The following MARK3 variants were observed in gnomAD, a reference collection of about 807,000 sequenced individuals.
MARK3 encodes the protein MAP/microtubule affinity-regulating kinase 3.
MARK3 carries 46 observed loss-of-function variants against 90.1 expected under a neutral mutation model. The ratio of observed to expected loss-of-function variants is 0.51; its 90% CI spans 0.40 to 0.65. The LOEUF (loss-of-function observed/expected upper bound fraction) is 0.65, where lower values mean the gene tolerates loss of function less well. MARK3 is among the 30% of genes least tolerant of loss of function. The probability of loss-of-function intolerance (pLI) is 0.00; values close to 1 mark genes in which losing one functional copy is unlikely to be tolerated. For missense variants in MARK3, 818 were observed against 947.2 expected (o/e 0.86, Z 1.79); for synonymous variants, 321 against 332.6 (o/e 0.97, Z 0.38).
At chr14:103,460,117 G>C (rs10139279) in intron 6 of MARK3, among the ~76,000 whole-genome samples, 1 of 95,662 alleles carries the variant, frequency 1.0e-5, no homozygotes, top group Non-Finnish European at 2.0e-5. Context: ...GACAAATCTC[G>C]CTTTGTCGCC....
chr14:103,495,069 C>T (rs1256175533), intron 15 of MARK3, among the ~76,000 whole-genome samples: 3 of 152,018 alleles, frequency 2.0e-5, no homozygotes, highest in Non-Finnish European at 2.9e-5. Context: ...TATATTTATA[C>T]ACATGTACAA....
intron 13 of MARK3, among the ~76,000 whole-genome samples, chr14:103,478,340 T>G (rs1373694345): frequency 6.6e-6 from 1 of 151,392 alleles, no homozygotes; most frequent in East Asian, 1.9e-4. Flanking sequence ...AGTAATCACT[T>G]TCCATTCCTC....
intron 2 of MARK3, 30 bp downstream of exon 2, chr14:103,405,297 T>C (rs1286113149): frequency 7.7e-6 from 11 of 1,436,602 alleles, no homozygotes; most frequent in South Asian, 1.4e-5. Context: ...ATTTCTGTTA[T>C]GACAGTTGCT....
rs150686397 is a variant in MARK3 at position 103,449,107 on chromosome 14, T to C, written c.346+140T>C. ...CAAGTTGTTGATCATTTGTATTAGC[T>C]TTTTGAAATTGCTGAAGACAGGTTA... is the stretch of plus-strand genomic sequence containing the variant. On this transcript the variant is annotated intron_variant, in intron 4 of 17. Transcript: ENST00000429436. 3.9e-3 allele frequency: 3,967 copies of C among 1,007,580 alleles called. 21 individuals carry two copies. The highest frequency in any genetic ancestry group is 0.017 in the Middle Eastern group (74 of 4,306). 62.4% of individuals were successfully genotyped at this position (1,007,580 alleles called of 1,614,324 possible). A position where few individuals can be genotyped will look rare whatever the true frequency, so the allele number is the denominator to read the frequency against.
At chr14:103,448,781 C>A in intron 3 of MARK3, 138 bp from the exon 4 acceptor site, 1 of 818,370 alleles carries the variant, frequency 1.2e-6, no homozygotes, top group Admixed American at 3.4e-5. Flanking sequence ...TCATATTAGT[C>A]TTAGATATGG....
At position 103,423,200 on chromosome 14, in the gene MARK3, C is replaced by CTTTTT. The variant is rs10529756; in HGVS notation, c.244-5177_244-5173dup. 1.7e-3 allele frequency among the ~76,000 whole-genome samples: 162 copies of CTTTTT among 94,698 alleles called. 18 individuals carry two copies. Among genetic ancestry groups the CTTTTT allele is most frequent in the East Asian group, 5.5e-3 (17 of 3,118 alleles). The allele number at this position is 94,698 out of a possible 152,430, so 62.1% of individuals were successfully genotyped here. A position where few individuals can be genotyped will look rare whatever the true frequency, so the allele number is the denominator to read the frequency against. On this transcript the variant is annotated intron_variant, in intron 2 of 17. Transcript: ENST00000429436. ...TCTATCCCCCTAGAGGACTTGCAGT[C>CTTTTT]TTTTTTTTTTTTTTGCCTCCTCTTT...
At chr14:103,400,176 G>A (rs2090865854) in intron 1 of MARK3, among the ~76,000 whole-genome samples, 1 of 152,090 alleles carries the variant, frequency 6.6e-6, no homozygotes, top group African/African-American at 2.4e-5. Flanking sequence ...TGATCTGCTA[G>A]CCTTGGCCTC....
chr14:103,465,847 T>C, intron 8 of MARK3, 54 bp downstream of exon 8: 2 of 1,555,642 alleles, frequency 1.3e-6, no homozygotes, highest in African/African-American at 1.4e-5. Context: ...TTTCCTAATA[T>C]TACATGGCTT....
At chr14:103,445,790 G>C (rs1416912746) in intron 3 of MARK3, among the ~76,000 whole-genome samples, 1 of 152,132 alleles carries the variant, frequency 6.6e-6, no homozygotes, top group Non-Finnish European at 1.5e-5. Flanking sequence ...CATTTCTGCT[G>C]TACTGTTAGT....
intron 3 of MARK3, among the ~76,000 whole-genome samples, chr14:103,442,575 T>C (rs1269272401): frequency 6.6e-6 from 1 of 152,200 alleles, no homozygotes; most frequent in Non-Finnish European, 1.5e-5. Flanking sequence ...GCTATAGTTC[T>C]AATGTAGAGC....
At position 103,498,454 on chromosome 14, in the gene MARK3, C is replaced by T. The variant is rs370586979; in HGVS notation, c.1845-48C>T. On this transcript the variant is annotated intron_variant, in intron 15 of 17. Coordinates refer to ENST00000429436, the MANE Select transcript of MARK3 (RefSeq NM_001128918.3). ...GATTAGATTTTCTGTTTAATTTGTG[C>T]GAGTTATTTTTGTTAATTTTTTTTT... The T allele has an allele frequency of 8.6e-5, 102 of 1,187,380 alleles. 1 individual carries two copies. The Middle Eastern group carries it at 1.3e-3, about 16-fold the overall frequency. 73.6% of individuals were successfully genotyped at this position (1,187,380 alleles called of 1,614,324 possible). A position where few individuals can be genotyped will look rare whatever the true frequency, so the allele number is the denominator to read the frequency against.
intron 1 of MARK3, among the ~76,000 whole-genome samples, chr14:103,403,191 A>G (rs2091067006): frequency 6.6e-6 from 1 of 152,166 alleles, no homozygotes; most frequent in African/African-American, 2.4e-5. Context: ...CTTTTTTAAC[A>G]AAAATTTTGG....
chr14:103,417,968 C>G (rs141916634), intron 2 of MARK3, among the ~76,000 whole-genome samples: 2 of 152,102 alleles, frequency 1.3e-5, no homozygotes, highest in Admixed American at 6.6e-5. Context: ...ACTCAGGAGG[C>G]TGAGGCAGGA....
intron 13 of MARK3, among the ~76,000 whole-genome samples, chr14:103,477,609 A>G (rs932410117): frequency 6.6e-6 from 1 of 152,228 alleles, no homozygotes; most frequent in South Asian, 2.1e-4. Context: ...AAAGTGGGCA[A>G]TGCGGTGGCA....
intron 14 of MARK3, among the ~76,000 whole-genome samples, chr14:103,487,137 G>T (rs1014667046): frequency 1.3e-5 from 2 of 150,860 alleles, no homozygotes; most frequent in Non-Finnish European, 3.0e-5. Context: ...GGCTGGTCTG[G>T]AACTCCTGGC....
chr14:103,459,801 A>T (rs956704267), intron 6 of MARK3, among the ~76,000 whole-genome samples: 18 of 151,966 alleles, frequency 1.2e-4, no homozygotes, highest in Non-Finnish European at 1.5e-5. Flanking sequence ...GATGTGAGCC[A>T]TCGTAATGTG....
intron 1 of MARK3, among the ~76,000 whole-genome samples, chr14:103,388,352 A>G (rs187981621): frequency 6.6e-6 from 1 of 152,318 alleles, no homozygotes; most frequent in East Asian, 1.9e-4. Context: ...TTCTGGAAGG[A>G]GCTGTGTAGC....
intron 14 of MARK3, among the ~76,000 whole-genome samples, chr14:103,485,814 C>G (rs1001930443): frequency 6.6e-6 from 1 of 152,118 alleles, no homozygotes; most frequent in Non-Finnish European, 1.5e-5. Flanking sequence ...AGGAAGATCA[C>G]TTGAGGCCAA....
chr14:103,453,213 T>C (rs746100117), intron 5 of MARK3, among the ~76,000 whole-genome samples: 29 of 152,228 alleles, frequency 1.9e-4, no homozygotes, highest in Non-Finnish European at 3.7e-4. Context: ...GGGCTGGGTT[T>C]GTAGTTTGCG....
Sources: allele counts gnomAD v4.1 joint callset (sites outside exome capture counted in the v4.1 genomes callset), GRCh38; gene constraint gnomAD v4.1.1; transcripts MANE v1.5; gene names NCBI Gene and HGNC (gene_info 2026-07-23, HGNC 2026-07-21).